FAM171B: variants seen among roughly 807,000 people sequenced by gnomAD.
FAM171B encodes family with sequence similarity 171 member B, also known as protein FAM171B.
FAM171B carries 19 observed loss-of-function variants against 75.6 expected under a neutral mutation model. The observed-to-expected ratio is 0.25, with a 90% CI of 0.18 to 0.37. FAM171B has a LOEUF of 0.37. Among genes scored for constraint, FAM171B ranks in the 10% least tolerant of loss-of-function variants. The pLI, the probability that FAM171B is intolerant of heterozygous loss-of-function variation, is 1.00. For missense variants in FAM171B, 848 were observed against 982.4 expected, an observed-to-expected ratio of 0.86 and a Z score of 1.83; for synonymous variants, 367 against 361.7, an observed-to-expected ratio of 1.01 and a Z score of -0.17.
intron 1 of FAM171B, among the ~76,000 whole-genome samples, chr2:186,738,109 C>T (rs1690230882): frequency 6.6e-6 from 1 of 152,214 alleles, no homozygotes; most frequent in Non-Finnish European, 1.5e-5. Context: ...TGTTACAGCT[C>T]TTGCTTGGGG....
intron 1 of FAM171B, among the ~76,000 whole-genome samples, chr2:186,704,519 C>A (rs1689708279): frequency 6.6e-6 from 1 of 152,088 alleles, no homozygotes; most frequent in South Asian, 2.1e-4. Context: ...AAAAGACATT[C>A]TTTTAAGGTA....
intron 1 of FAM171B, among the ~76,000 whole-genome samples, chr2:186,729,461 G>T (rs1025932208): frequency 3.9e-5 from 6 of 152,030 alleles, no homozygotes; most frequent in Middle Eastern, 3.4e-3. Context: ...GGAGAGAACT[G>T]GTAGAGGATT....
intron 1 of FAM171B, among the ~76,000 whole-genome samples, chr2:186,718,028 G>C (rs971259382): frequency 6.6e-6 from 1 of 152,054 alleles, no homozygotes; most frequent in Non-Finnish European, 1.5e-5. Context: ...CCTGGTTATT[G>C]AAACTCAAAA....
chr2:186,715,988 T>C (rs184025456), intron 1 of FAM171B, among the ~76,000 whole-genome samples: 1 of 152,198 alleles, frequency 6.6e-6, no homozygotes, highest in Admixed American at 6.5e-5. Context: ...TTTGCTCTGT[T>C]TGCTTCACAT....
chr2:186,761,245 A>C lies in FAM171B; in HGVS notation c.1136+9A>C. On this transcript the variant is annotated intron_variant, in intron 7 of 7. Coordinates refer to ENST00000304698, the MANE Select transcript of FAM171B (RefSeq NM_177454.4). ...CTACTTTGTTATTGCAGGTAAGAAA[A>C]TGGCTATAAACACAGAAAACTATCA... 1 of 1,611,882 alleles carries C rather than the reference A, an allele frequency of 6.2e-7. No individual in the cohort carries two copies.
At position 186,761,609 on chromosome 2, in the gene FAM171B, G is replaced by A; in HGVS notation, c.1267G>A (p.Asp423Asn). ...AGTTAAAGTTGCATTAAAAGCTGAG[G>A]ACAAGTCGCAGTTATTCAATGCCAA... is the stretch of plus-strand genomic sequence containing the variant. ...STVKVALKAEDKSQLFNAKNS... is the reference protein window; with the variant it reads ...STVKVALKAENKSQLFNAKNS... The change falls in exon 8 of 8, where the codon GAC becomes AAC. Residue 423 changes from aspartate (D) to asparagine (N), a missense_variant. By Grantham distance (23) the Asp-to-Asn change is conservative. Transcript: ENST00000304698. 1 of 1,613,376 alleles carries A rather than the reference G, an allele frequency of 6.2e-7. No homozygotes were observed.
At chr2:186,747,620 T>A (rs1323467691) in intron 4 of FAM171B, among the ~76,000 whole-genome samples, 1 of 152,102 alleles carries the variant, frequency 6.6e-6, no homozygotes, top group Non-Finnish European at 1.5e-5. Context: ...TTTCATAATT[T>A]GATGTATTCA....
At chr2:186,738,553 G>A (rs1055903610) in intron 1 of FAM171B, among the ~76,000 whole-genome samples, 1 of 152,042 alleles carries the variant, frequency 6.6e-6, no homozygotes, top group African/African-American at 2.4e-5. Context: ...GAGACAGAGG[G>A]TAAGACAAAG....
At chr2:186,736,174 A>G (rs374847849) in intron 1 of FAM171B, among the ~76,000 whole-genome samples, 12 of 152,252 alleles carry the variant, frequency 7.9e-5, no homozygotes, top group South Asian at 4.2e-4. Flanking sequence ...TTCTCAATCA[A>G]TTCTTCCCAT....
At chr2:186,702,286 G>T (rs1319145838) in intron 1 of FAM171B, among the ~76,000 whole-genome samples, 1 of 152,170 alleles carries the variant, frequency 6.6e-6, no homozygotes, top group Non-Finnish European at 1.5e-5. Context: ...GTAGGCACTT[G>T]TAACACAATT....
intron 1 of FAM171B, among the ~76,000 whole-genome samples, chr2:186,709,089 G>A (rs930996037): frequency 1.3e-5 from 2 of 152,084 alleles, no homozygotes; most frequent in Admixed American, 1.3e-4. Context: ...GAGAAAGAAG[G>A]ACCGAGAGAG....
chr2:186,711,522 A>G (rs1301131124), intron 1 of FAM171B, among the ~76,000 whole-genome samples: 1 of 152,196 alleles, frequency 6.6e-6, no homozygotes, highest in Non-Finnish European at 1.5e-5. Flanking sequence ...CTATTAATGG[A>G]AAGGATGAAG....
chr2:186,752,966 A>T (rs1187711381), intron 5 of FAM171B, among the ~76,000 whole-genome samples: 4 of 152,322 alleles, frequency 2.6e-5, no homozygotes, highest in African/African-American at 7.2e-5. Flanking sequence ...AAAGTTTAGA[A>T]GATCTAGTTC....
At chr2:186,755,683 G>C (rs988652191) in intron 6 of FAM171B, among the ~76,000 whole-genome samples, 34 of 152,090 alleles carry the variant, frequency 2.2e-4, no homozygotes, top group African/African-American at 7.7e-4. Context: ...TTTTCATTCT[G>C]TGTTGGCAAG....
At position 186,745,493 on chromosome 2, in the gene FAM171B, T is replaced by C. The variant is rs529743977; in HGVS notation, c.566-1599T>C. Among the ~76,000 whole-genome samples the C allele has an allele frequency of 2.3e-3, 358 of 152,358 alleles. 4 individuals carry two copies. The highest frequency in any genetic ancestry group is 4.3e-3 in the Non-Finnish European group (292 of 68,018). On this transcript the variant is annotated intron_variant, in intron 3 of 7. Transcript: ENST00000304698. ...TCCGTGAGAACACTGTGAGTCCTCTTGAATTCTCAGATCACTTCCTTTTAC... is the reference window on the plus strand; with the variant it reads ...TCCGTGAGAACACTGTGAGTCCTCTCGAATTCTCAGATCACTTCCTTTTAC...
intron 1 of FAM171B, among the ~76,000 whole-genome samples, chr2:186,703,321 G>A (rs1047982940): frequency 2.6e-5 from 4 of 152,146 alleles, no homozygotes; most frequent in East Asian, 1.9e-4. Flanking sequence ...ACAGCAATTC[G>A]TATGTGTGGA....
chr2:186,738,859 G>T (rs1005142347), intron 1 of FAM171B, among the ~76,000 whole-genome samples: 1 of 152,126 alleles, frequency 6.6e-6, no homozygotes, highest in Non-Finnish European at 1.5e-5. Context: ...ATACAGCCAT[G>T]TGTAACTTAA....
intron 1 of FAM171B, among the ~76,000 whole-genome samples, chr2:186,724,766 C>T (rs886867082): frequency 2.0e-5 from 3 of 152,012 alleles, no homozygotes; most frequent in Admixed American, 6.6e-5. Flanking sequence ...GAGGTGAGAG[C>T]GTGCCTGGAG....
intron 1 of FAM171B, among the ~76,000 whole-genome samples, chr2:186,733,660 G>A (rs1334823835): frequency 6.6e-6 from 1 of 152,174 alleles, no homozygotes; most frequent in African/African-American, 2.4e-5. Context: ...GTGGGTGAGT[G>A]GGGGGTGTGT....
Sources: allele counts gnomAD v4.1 joint callset (sites outside exome capture counted in the v4.1 genomes callset), GRCh38; gene constraint gnomAD v4.1.1; transcripts MANE v1.5; gene names NCBI Gene and HGNC (gene_info 2026-07-23, HGNC 2026-07-21).